Variants in DTNA observed in about 807,000 individuals in gnomAD.
The protein encoded by DTNA is dystrophin-related protein 3.
A neutral mutation model predicts 100.7 loss-of-function variants in DTNA; 43 were observed. That is an observed-to-expected ratio of 0.43 (90% CI 0.33 to 0.55). The LOEUF (loss-of-function observed/expected upper bound fraction) is 0.55. Ranked by LOEUF, DTNA falls within the 20% of genes least tolerant of loss-of-function variation. The probability of loss-of-function intolerance (pLI) is 0.04; values close to 1 mark genes in which losing one functional copy is unlikely to be tolerated. For synonymous variants in DTNA, 349 were observed against 347.9 expected (o/e 1.00, Z -0.04); for missense variants, 798 against 953.9 (o/e 0.84, Z 2.15).
chr18:34,780,308 T>A (rs2094259666), intron 3 of DTNA, among the ~76,000 whole-genome samples: 1 of 152,184 alleles, frequency 6.6e-6, no homozygotes, highest in Admixed American at 6.5e-5. Flanking sequence ...TTAAAGAGCC[T>A]TACTTCTAAC....
At chr18:34,588,686 A>AGTGTGTGT (rs145242890) in intron 1 of DTNA, among the ~76,000 whole-genome samples, 1 of 149,556 alleles carries the variant, frequency 6.7e-6, no homozygotes, top group Non-Finnish European at 1.5e-5. Context: ...TGAATATTAT[A>AGTGTGTGT]GTGTGTGTGT....
upstream of DTNA, among the ~76,000 whole-genome samples, chr18:34,708,730 C>T (rs181796628): frequency 2.0e-5 from 3 of 152,292 alleles, no homozygotes; most frequent in African/African-American, 4.8e-5. Flanking sequence ...AGGGAAGTCA[C>T]GTGCCAGTCA....
chr18:34,529,717 A>G lies in DTNA; in HGVS notation c.-2+36203A>G, dbSNP rs118111591. 1.5e-3 allele frequency among the ~76,000 whole-genome samples: 235 copies of G among 152,254 alleles called. 9 individuals are homozygous for G. The East Asian group carries it at 0.037, about 24-fold the overall frequency. On this transcript the variant is annotated intron_variant, in intron 1 of 19. Coordinates refer to the DTNA transcript ENST00000283365. The stretch of plus-strand genomic sequence containing the variant: ...TTATATTTTTATAGTTTTTTAATGT[A>G]CTGTCTCTTAATATAAGCTGATATT...
intron 3 of DTNA, chr18:34,767,528 G>A (rs1370237684): frequency 6.6e-6 from 1 of 152,172 alleles, no homozygotes; most frequent in Non-Finnish European, 1.5e-5. Context: ...TAAAGAAAAG[G>A]AATTTATTTC....
chr18:34,627,857 C>T (rs569351700), intron 1 of DTNA, among the ~76,000 whole-genome samples: 2 of 152,272 alleles, frequency 1.3e-5, no homozygotes, highest in South Asian at 4.2e-4. Flanking sequence ...TTTGACTTCC[C>T]AGTGCTGCTT....
At chr18:34,875,955 G>A (rs1038971918) in intron 18 of DTNA, among the ~76,000 whole-genome samples, 5 of 152,152 alleles carry the variant, frequency 3.3e-5, no homozygotes, top group African/African-American at 1.2e-4. Context: ...TCCCATGACA[G>A]GGAGAGTAAC....
At chr18:34,732,438 C>T (rs760558520) in intron 1 of DTNA, among the ~76,000 whole-genome samples, 2 of 152,176 alleles carry the variant, frequency 1.3e-5, no homozygotes, top group Admixed American at 6.5e-5. Context: ...CCTTCCTCTG[C>T]GATCCTCCTT....
chr18:34,839,540 A>C (rs1192140833), intron 13 of DTNA, among the ~76,000 whole-genome samples: 4 of 152,216 alleles, frequency 2.6e-5, no homozygotes, highest in African/African-American at 9.6e-5. Flanking sequence ...GATATTAATA[A>C]TAAATGTGGA....
At chr18:34,785,344 G>A (rs1226970384) in intron 3 of DTNA, among the ~76,000 whole-genome samples, 1 of 152,130 alleles carries the variant, frequency 6.6e-6, no homozygotes, top group Non-Finnish European at 1.5e-5. Context: ...CATATTAAGG[G>A]ACAAATATAT....
chr18:34,888,159 A>G lies in DTNA; in HGVS notation c.*425A>G. 2 of 985,894 alleles carry G rather than the reference A, an allele frequency of 2.0e-6. No individual in the cohort carries two copies. Among genetic ancestry groups the G allele is most frequent in the Non-Finnish European group, 2.4e-6 (2 of 829,928 alleles). 61.1% of individuals were successfully genotyped at this position (985,894 alleles called of 1,614,324 possible). A position where few individuals can be genotyped will look rare whatever the true frequency, so the allele number is the denominator to read the frequency against. ...AGCATTTTAAACCTTTGCACATGAT[A>G]TTGAACCTGTTCAGTTTACAATGAC... On this transcript the variant is annotated 3_prime_UTR_variant, in exon 23 of 23. Transcript: ENST00000444659.
intron 1 of DTNA, among the ~76,000 whole-genome samples, chr18:34,556,733 G>A (rs2046098872): frequency 6.6e-6 from 1 of 152,014 alleles, no homozygotes; most frequent in Admixed American, 6.5e-5. Flanking sequence ...TTTCTGCCGA[G>A]AGATCCACTG....
chr18:34,778,344 T>G (rs2094156518), intron 3 of DTNA, among the ~76,000 whole-genome samples: 2 of 152,346 alleles, frequency 1.3e-5, no homozygotes, highest in South Asian at 2.1e-4. Context: ...TTTATTACAT[T>G]AAGTGCAATG....
intron 1 of DTNA, among the ~76,000 whole-genome samples, chr18:34,714,819 A>G (rs1200031202): frequency 6.6e-6 from 1 of 152,144 alleles, no homozygotes; most frequent in Non-Finnish European, 1.5e-5. Context: ...AACGTCCAAC[A>G]ATGATAGACT....
At chr18:34,555,106 G>A (rs1300214851) in intron 1 of DTNA, among the ~76,000 whole-genome samples, 54 of 132,900 alleles carry the variant, frequency 4.1e-4, no homozygotes, top group Non-Finnish European at 5.7e-4. Context: ...AGTCTTGGGA[G>A]AGTGTATGTG....
At chr18:34,696,678 C>G (rs1308234704) in intron 1 of DTNA, among the ~76,000 whole-genome samples, 1 of 152,178 alleles carries the variant, frequency 6.6e-6, no homozygotes. Flanking sequence ...ACCTTCCCAG[C>G]CCACTGAGTG....
chr18:34,690,952 T>G (rs1437140159), intron 1 of DTNA, among the ~76,000 whole-genome samples: 2 of 152,154 alleles, frequency 1.3e-5, no homozygotes, highest in African/African-American at 4.8e-5. Context: ...ATTAGGAAAC[T>G]CGGGTTCACA....
chr18:34,768,409 A>G (rs2093601909), intron 3 of DTNA, among the ~76,000 whole-genome samples: 1 of 144,190 alleles, frequency 6.9e-6, no homozygotes, highest in African/African-American at 3.0e-5. Context: ...GCAACACTGC[A>G]CTCAACATTA....
At chr18:34,818,992 A>C (rs528718733) in intron 8 of DTNA, among the ~76,000 whole-genome samples, 1 of 152,292 alleles carries the variant, frequency 6.6e-6, no homozygotes, top group Non-Finnish European at 1.5e-5. Context: ...CTCACTGTTC[A>C]AATGGATTAT....
chr18:34,761,432 G>C (rs1007155893), intron 2 of DTNA, among the ~76,000 whole-genome samples: 2 of 152,170 alleles, frequency 1.3e-5, no homozygotes, highest in Non-Finnish European at 2.9e-5. Context: ...TCGTTGATTT[G>C]TTGGTTGATT....
Sources: allele counts gnomAD v4.1 joint callset (sites outside exome capture counted in the v4.1 genomes callset), GRCh38; gene constraint gnomAD v4.1.1; transcripts MANE v1.5; gene names NCBI Gene and HGNC (gene_info 2026-07-23, HGNC 2026-07-21).